The following SPMAP1 variants were observed in gnomAD, a reference collection of about 807,000 sequenced individuals.
SPMAP1 encodes the protein uncharacterized protein C17orf98.
the SPMAP1 span, among the ~76,000 whole-genome samples, chr17:38,838,104 A>G: frequency 6.6e-6 from 1 of 151,946 alleles, no homozygotes; most frequent in Non-Finnish European, 1.5e-5. Flanking sequence ...GCTGGTCTCA[A>G]ACTCTTGAAC....
the SPMAP1 span, among the ~76,000 whole-genome samples, chr17:38,838,020 G>C: frequency 6.6e-6 from 1 of 152,088 alleles, no homozygotes; most frequent in South Asian, 2.1e-4. Context: ...GAGTAGCTGA[G>C]ATTACAGGCA....
At chr17:38,835,259 C>T in the SPMAP1 span, 23 of 1,614,022 alleles carry the variant, frequency 1.4e-5, no homozygotes, top group East Asian at 1.1e-4. Flanking sequence ...AGTGTTCCTG[C>T]GGTAGCCAAA....
At chr17:38,838,033 C>T in the SPMAP1 span, among the ~76,000 whole-genome samples, 142 of 152,098 alleles carry the variant, frequency 9.3e-4, 1 homozygote, top group African/African-American at 1.0e-3. Flanking sequence ...TACAGGCACG[C>T]GCCACCATGC....
the SPMAP1 span, chr17:38,841,075 A>G: frequency 1.5e-6 from 1 of 687,280 alleles, no homozygotes; most frequent in Non-Finnish European, 2.4e-6. Flanking sequence ...TTTAAAAAAG[A>G]AAAGAAAGTA....
chr17:38,835,101 A>G, the SPMAP1 span: 3 of 1,431,412 alleles, frequency 2.1e-6, no homozygotes, highest in African/African-American at 4.2e-5. Context: ...ACACAAATTA[A>G]TTTTTTTAAC....
At chr17:38,841,222 C>G in the SPMAP1 span, 1 of 1,614,058 alleles carries the variant, frequency 6.2e-7, no homozygotes, top group African/African-American at 1.3e-5. Flanking sequence ...CCACGTGACT[C>G]TGGAAGTAGC....
the SPMAP1 span, among the ~76,000 whole-genome samples, chr17:38,839,776 G>A: frequency 1.3e-5 from 2 of 151,936 alleles, no homozygotes; most frequent in South Asian, 4.1e-4. Flanking sequence ...CTCCAGCCTG[G>A]GCGACAGAGC....
At chr17:38,841,257 C>A in the SPMAP1 span, 2 of 1,614,168 alleles carry the variant, frequency 1.2e-6, no homozygotes, top group Non-Finnish European at 8.5e-7. Context: ...TCCTGCTGCG[C>A]GTTGTAGGGC....
the SPMAP1 span, among the ~76,000 whole-genome samples, chr17:38,838,945 G>A: frequency 6.6e-6 from 1 of 151,694 alleles, no homozygotes; most frequent in South Asian, 2.1e-4. Flanking sequence ...AACTAACTGG[G>A]TGTGGTGGCG....
the SPMAP1 span, among the ~76,000 whole-genome samples, chr17:38,840,879 G>C: frequency 6.6e-6 from 1 of 151,534 alleles, no homozygotes; most frequent in African/African-American, 2.4e-5. Flanking sequence ...GTGGTGGCGC[G>C]CCTGTAACCC....
At chr17:38,835,864 G>T in the SPMAP1 span, among the ~76,000 whole-genome samples, 1 of 152,152 alleles carries the variant, frequency 6.6e-6, no homozygotes, top group African/African-American at 2.4e-5. Context: ...AAATGAGCAG[G>T]ATGCAGCAGT....
chr17:38,841,154 G>A, the SPMAP1 span: 2 of 1,569,890 alleles, frequency 1.3e-6, no homozygotes, highest in Non-Finnish European at 1.8e-6. Context: ...TTAGGGAGGT[G>A]TGTGGGGTCT....
chr17:38,837,006 G>C, the SPMAP1 span: 1 of 693,224 alleles, frequency 1.4e-6, no homozygotes, highest in Non-Finnish European at 2.6e-6. Flanking sequence ...CTAATATTAG[G>C]GGGCACTGTG....
the SPMAP1 span, chr17:38,835,474 T>G: frequency 1.1e-6 from 1 of 950,026 alleles, no homozygotes; most frequent in Admixed American, 2.5e-5. Flanking sequence ...GAACACGCAA[T>G]CCACAAGTGT....
chr17:38,835,411 C>A, the SPMAP1 span: 1 of 1,572,474 alleles, frequency 6.4e-7, no homozygotes, highest in Non-Finnish European at 8.7e-7. Context: ...CCCCATTCCC[C>A]TGGGTGTGGT....
the SPMAP1 span, among the ~76,000 whole-genome samples, chr17:38,837,475 G>A: frequency 2.0e-5 from 3 of 152,062 alleles, no homozygotes; most frequent in Admixed American, 6.6e-5. Context: ...CCAGGAGTTC[G>A]AGACCAGCCT....
chr17:38,835,968 G>A, the SPMAP1 span, among the ~76,000 whole-genome samples: 3 of 152,234 alleles, frequency 2.0e-5, no homozygotes, highest in East Asian at 3.9e-4. Flanking sequence ...AGGCTGGAGT[G>A]CAATGGCGCA....
the SPMAP1 span, among the ~76,000 whole-genome samples, chr17:38,836,943 C>T: frequency 1.3e-5 from 2 of 148,782 alleles, no homozygotes; most frequent in South Asian, 2.1e-4. Context: ...AGTGAGACCA[C>T]GTCTCAAAAA....
the SPMAP1 span, among the ~76,000 whole-genome samples, chr17:38,839,858 A>G: frequency 6.6e-6 from 1 of 152,106 alleles, no homozygotes; most frequent in East Asian, 1.9e-4. Context: ...ATGTATGTCC[A>G]TATACATGCA....
Sources: gnomAD v4.1 joint callset for allele counts (sites outside exome capture counted in the v4.1 genomes callset) on GRCh38, gnomAD v4.1.1 for gene constraint, MANE v1.5 for transcripts, NCBI Gene and HGNC (gene_info 2026-07-23, HGNC 2026-07-21) for gene names.